Variants in CELA3A observed in about 807,000 individuals in gnomAD.
The protein encoded by CELA3A is chymotrypsin like elastase 3A, also known as chymotrypsin-like elastase family member 3A.
In CELA3A, 35 loss-of-function variants were observed where a neutral mutation model predicts 38.6. That is an observed-to-expected ratio of 0.91 (90% CI 0.69 to 1.20). The LOEUF (loss-of-function observed/expected upper bound fraction) is 1.20, where lower values mean the gene tolerates loss of function less well. Ranked by LOEUF, CELA3A falls within the 50% of genes most tolerant of loss-of-function variation. CELA3A has a pLI of 0.00. For synonymous variants in CELA3A, 143 were observed against 136.7 expected, an observed-to-expected ratio of 1.05 and a Z score of -0.32; for missense variants, 343 against 354.2, an observed-to-expected ratio of 0.97 and a Z score of 0.25.
In CELA3A at chr1:22,011,634, G is replaced by A. The variant is rs1259415072; in HGVS notation, c.796-816G>A. Among the ~76,000 whole-genome samples, 3 of 124,802 alleles carry A rather than the reference G, an allele frequency of 2.4e-5. 1 individual carries two copies. The highest frequency in any genetic ancestry group is 2.5e-4 in the South Asian group (1 of 4,044). The allele number at this position is 124,802 out of a possible 152,430, so 81.9% of individuals were successfully genotyped here. A position where few individuals can be genotyped will look rare whatever the true frequency, so the allele number is the denominator to read the frequency against. On this transcript the variant is annotated intron_variant, in intron 7 of 7. Transcript: ENST00000290122. ...AATTGGCCAGGCGTGGTAGTGCGTC[G>A]CTGTAATCTCAGCTACTTGGGAGGT...
At chr1:22,009,892 G>A (rs1164539302) in intron 7 of CELA3A, 35 bp downstream of exon 7, 4 of 1,594,154 alleles carry the variant, frequency 2.5e-6, no homozygotes, top group Non-Finnish European at 3.4e-6. Context: ...GGGCTTTAGG[G>A]TGGTGGCTCT....
At position 22,008,535 on chromosome 1, in the gene CELA3A, G is replaced by T. The variant is rs185910428; in HGVS notation, c.642+1020G>T. Among the ~76,000 whole-genome samples the T allele has an allele frequency of 1.7e-4, 26 of 150,774 alleles. 2 individuals carry two copies. In the East Asian group the frequency reaches 4.7e-3, roughly 28 times the overall value. ...AGCACTTTGGGAGGCCGAGCCGGGC[G>T]GATCACGAGGTCAGGAGATCGAGAT... On this transcript the variant is annotated intron_variant, in intron 6 of 7. Transcript: ENST00000290122.
intron 7 of CELA3A, among the ~76,000 whole-genome samples, chr1:22,012,056 C>CA (rs1279721695): frequency 2.4e-5 from 3 of 122,606 alleles, no homozygotes; most frequent in East Asian, 2.6e-4. Context: ...CAAAAAAAAC[C>CA]AAAAAAACAA....
Position 22,012,107 on chromosome 1 carries a change from G to GTA in CELA3A, c.796-332_796-331dup, listed in dbSNP as rs1210282059. Among the ~76,000 whole-genome samples, 212 of 123,368 alleles carry GTA rather than the reference G, an allele frequency of 1.7e-3. 52 individuals carry two copies. Among genetic ancestry groups the GTA allele is most frequent in the African/African-American group, 5.2e-3 (154 of 29,856 alleles). 80.9% of individuals were successfully genotyped at this position (123,368 alleles called of 152,430 possible). ...TGTTTATATATATACACATACATACGTATATATATATACACAAACACATAC... is the reference window on the plus strand; with the variant it reads ...TGTTTATATATATACACATACATACGTATATATATATATACACAAACACATAC... On this transcript the variant is annotated intron_variant, in intron 7 of 7. Transcript: ENST00000290122.
chr1:22,010,943 C>G (rs1296992197), intron 7 of CELA3A: 5 of 150,094 alleles, frequency 3.3e-5, no homozygotes, highest in African/African-American at 9.9e-5. Context: ...AAGAGCCTCT[C>G]TCTTAAAAAA....
intron 6 of CELA3A, among the ~76,000 whole-genome samples, chr1:22,008,300 G>A (rs1327527151): frequency 3.3e-5 from 5 of 150,514 alleles, no homozygotes; most frequent in African/African-American, 1.2e-4. Flanking sequence ...ACAAGTGTGT[G>A]CCACAATGCC....
At chr1:22,002,914 G>C (rs12756442) in intron 1 of CELA3A, 89 bp from the exon 2 acceptor site, 303,620 of 1,168,964 alleles carry the variant, frequency 0.26, 50,044 homozygotes, top group East Asian at 0.51. Context: ...CACACAGCCA[G>C]TTGAAGGCAT....
At position 22,009,076 on chromosome 1, in the gene CELA3A, T is replaced by C. The variant is rs1644968118; in HGVS notation, c.643-629T>C. ...CCAACATGGTGAAATCCCATCTCTA[T>C]TAAATATGGCTGGGTGCAGTGACTC... On this transcript the variant is annotated intron_variant, in intron 6 of 7. Transcript: ENST00000290122. 2.0e-5 allele frequency among the ~76,000 whole-genome samples: 3 copies of C among 151,320 alleles called. No homozygotes were observed. In the South Asian group the frequency reaches 6.3e-4, roughly 32 times the overall value.
Position 22,009,767 on chromosome 1 carries a change from G to C in CELA3A, c.705G>C (p.Val235=), listed in dbSNP as rs1326446878. ...ATGGTGGCTGGCAGGTCCACGGTGT[G>C]ACCAGCTTTGTTTCTGCCTTTGGCT... ...TEDGGWQVHG[V]TSFVSAFGCN... The change falls in exon 7 of 8, where the codon GTG becomes GTC. Residue 235 remains valine (V), a synonymous_variant. Transcript: ENST00000290122. 1 of 1,612,120 alleles carries C rather than the reference G, an allele frequency of 6.2e-7. No individual in the cohort carries two copies. Among genetic ancestry groups the C allele is most frequent in the Non-Finnish European group, 8.5e-7 (1 of 1,179,320 alleles).
chr1:22,011,952 C>T lies in CELA3A; in HGVS notation c.796-498C>T, dbSNP rs1318817905. 3.2e-5 allele frequency among the ~76,000 whole-genome samples: 4 copies of T among 125,972 alleles called. 1 individual carries two copies. Among genetic ancestry groups the T allele is most frequent in the Non-Finnish European group, 6.5e-5 (4 of 61,506 alleles). The allele number at this position is 125,972 out of a possible 152,430, so 82.6% of individuals were successfully genotyped here. A position where few individuals can be genotyped will look rare whatever the true frequency, so the allele number is the denominator to read the frequency against. ...CCTGTAGTCCCAGCTACTTGGGAGGCTGAGGAAGGAGAATGGCATGAACCC... is the reference window on the plus strand; with the variant it reads ...CCTGTAGTCCCAGCTACTTGGGAGGTTGAGGAAGGAGAATGGCATGAACCC... On this transcript the variant is annotated intron_variant, in intron 7 of 7. Transcript: ENST00000290122.
rs1463333490 is a variant in CELA3A at position 22,008,132 on chromosome 1, G to A, written c.642+617G>A. ...TTTTGCCACTGCACCCAAGCCTGGCGACACAGCAAGACGTTGTCTCTTTTT... is the reference window on the plus strand; with the variant it reads ...TTTTGCCACTGCACCCAAGCCTGGCAACACAGCAAGACGTTGTCTCTTTTT... On this transcript the variant is annotated intron_variant, in intron 6 of 7. Coordinates refer to ENST00000290122, the MANE Select transcript of CELA3A (RefSeq NM_005747.5). Among the ~76,000 whole-genome samples the A allele has an allele frequency of 8.5e-5, 11 of 129,648 alleles. 1 individual carries two copies. The highest frequency in any genetic ancestry group is 3.1e-4 in the African/African-American group (11 of 35,902). 85.1% of individuals were successfully genotyped at this position (129,648 alleles called of 152,430 possible). A position where few individuals can be genotyped will look rare whatever the true frequency, so the allele number is the denominator to read the frequency against.
rs555352157 is a variant in CELA3A, at chr1:22,007,473, A to G, written c.600A>G (p.Lys200=). Residue 200 remains lysine (K), a synonymous_variant, in exon 6 of 8, where the codon AAA becomes AAG. Transcript: ENST00000290122. ...RWNWWGSTVK[K]TMVCAGGYIR... is the part of the protein sequence containing the mutation. Reference sequence around the variant, plus strand: ...ACTGGTGGGGTTCCACCGTGAAGAAAACCATGGTGTGTGCTGGAGGGTACA... The same window carrying G: ...ACTGGTGGGGTTCCACCGTGAAGAAGACCATGGTGTGTGCTGGAGGGTACA... 107 of 1,612,126 alleles carry G rather than the reference A, an allele frequency of 6.6e-5. 4 individuals are homozygous for G. The highest frequency in any genetic ancestry group is 8.9e-5 in the East Asian group (4 of 44,698).
intron 2 of CELA3A, among the ~76,000 whole-genome samples, chr1:22,003,637 C>T (rs1223122557): frequency 1.3e-5 from 2 of 150,476 alleles, no homozygotes; most frequent in African/African-American, 2.5e-5. Context: ...GACAAGATTG[C>T]ACCACTGCAC....
chr1:22,002,227 T>C (rs1236882036), intron 1 of CELA3A, among the ~76,000 whole-genome samples: 7 of 151,358 alleles, frequency 4.6e-5, no homozygotes, highest in African/African-American at 1.5e-4. Flanking sequence ...TTAGGGATTT[T>C]CTTATACTTT....
At position 22,009,633 on chromosome 1, in the gene CELA3A, C is replaced by A. The variant is rs1644971263; in HGVS notation, c.643-72C>A. 3.9e-6 allele frequency: 6 copies of A among 1,554,002 alleles called. No homozygotes were observed. In the South Asian group the frequency reaches 7.2e-5, roughly 19 times the overall value. ...AAGTAATGTCAGAGTTTCTTGAAAT[C>A]CCTAGAATTCAGAACCAGTTCCGTA... On this transcript the variant is annotated intron_variant, in intron 6 of 7. Coordinates refer to ENST00000290122, the MANE Select transcript of CELA3A (RefSeq NM_005747.5).
intron 7 of CELA3A, among the ~76,000 whole-genome samples, chr1:22,010,340 G>A (rs1644976247): frequency 6.6e-6 from 1 of 151,160 alleles, no homozygotes; most frequent in Admixed American, 6.6e-5. Flanking sequence ...AGTAATAGCT[G>A]GGCATGGCAT....
At position 22,006,940 on chromosome 1, in the gene CELA3A, C is replaced by T. The variant is rs766271975; in HGVS notation, c.425C>T (p.Ala142Val). 38 of 1,612,346 alleles carry T rather than the reference C, an allele frequency of 2.4e-5. No homozygotes were observed. The highest frequency in any genetic ancestry group is 3.1e-5 in the Non-Finnish European group (36 of 1,179,472). Residue 142 changes from alanine (A) to valine (V), a missense_variant, in exon 5 of 8, where the codon GCC becomes GTC. By Grantham distance (64) the Ala-to-Val change is moderately conservative (BLOSUM62 0). Coordinates refer to ENST00000290122, the MANE Select transcript of CELA3A (RefSeq NM_005747.5). Reference protein sequence around the residue: ...SAQLGDAVQLASLPPAGDILP... With the variant: ...SAQLGDAVQLVSLPPAGDILP... Reference sequence around the variant, plus strand: ...CAGCTGGGAGATGCCGTCCAGCTCGCCTCACTCCCTCCCGCTGGTGACATC... The same window carrying T: ...CAGCTGGGAGATGCCGTCCAGCTCGTCTCACTCCCTCCCGCTGGTGACATC...
chr1:22,001,780 A>G, intron 1 of CELA3A, 63 bp downstream of exon 1: 1 of 1,596,632 alleles, frequency 6.3e-7, no homozygotes, highest in Non-Finnish European at 8.6e-7. Context: ...CTTGAAATCT[A>G]CCACTCGCTC....
At chr1:22,006,625 A>G (rs1393966611) in intron 4 of CELA3A, among the ~76,000 whole-genome samples, 1 of 150,060 alleles carries the variant, frequency 6.7e-6, no homozygotes, top group African/African-American at 2.5e-5. Context: ...TCAGGAGGTG[A>G]AAGCAGGAGG....
Sources: gnomAD v4.1 joint callset for allele counts (sites outside exome capture counted in the v4.1 genomes callset) on GRCh38, gnomAD v4.1.1 for gene constraint, MANE v1.5 for transcripts, NCBI Gene and HGNC (gene_info 2026-07-23, HGNC 2026-07-21) for gene names.